Variants in MTUS1 observed in about 807,000 individuals in gnomAD.
MTUS1 encodes the protein microtubule associated scaffold protein 1, also known as microtubule-associated tumor suppressor 1.
In MTUS1, 109 loss-of-function variants were observed where a neutral mutation model predicts 120.8. The ratio of observed to expected loss-of-function variants is 0.90; its 90% CI spans 0.77 to 1.06. MTUS1 has a LOEUF of 1.06. Among genes scored for constraint, MTUS1 ranks in the 50% least tolerant of loss-of-function variants. The pLI is 0.00. For synonymous variants in MTUS1, 737 were observed against 550.5 expected, an observed-to-expected ratio of 1.34 and a Z score of -4.74; for missense variants, 2,210 against 1,486.3, an observed-to-expected ratio of 1.49 and a Z score of -8.01.
intron 8 of MTUS1, among the ~76,000 whole-genome samples, chr8:17,666,980 C>T (rs148541310): frequency 1.3e-3 from 205 of 152,212 alleles, no homozygotes; most frequent in African/African-American, 4.7e-3. Flanking sequence ...TATTTTCGTA[C>T]ACAATAAAGT....
chr8:17,722,517 G>C (rs1341287998), intron 4 of MTUS1: 5 of 985,030 alleles, frequency 5.1e-6, no homozygotes, highest in East Asian at 2.3e-4. Context: ...CTGTTTAATT[G>C]CAAGTCACAT....
At chr8:17,722,441 C>T (rs1042214997) in intron 4 of MTUS1, 2 of 985,372 alleles carry the variant, frequency 2.0e-6, no homozygotes, top group South Asian at 4.7e-5. Flanking sequence ...TCAGAGTTCC[C>T]TCTTACATGC....
chr8:17,788,811 T>C (rs1379724084), intron 1 of MTUS1, among the ~76,000 whole-genome samples: 1 of 152,180 alleles, frequency 6.6e-6, no homozygotes. Flanking sequence ...CATCAGAAAG[T>C]AACCTTTGTC....
At chr8:17,787,795 T>C (rs2051428389) in intron 1 of MTUS1, among the ~76,000 whole-genome samples, 1 of 152,246 alleles carries the variant, frequency 6.6e-6, no homozygotes, top group Non-Finnish European at 1.5e-5. Context: ...ACTTTTCTGA[T>C]GACCAAAGCT....
intron 14 of MTUS1, among the ~76,000 whole-genome samples, chr8:17,646,423 A>C (rs1002511274): frequency 1.3e-5 from 2 of 152,040 alleles, no homozygotes; most frequent in Admixed American, 6.6e-5. Context: ...CTCTGTCTCT[A>C]TTAAAAATAC....
chr8:17,647,527 C>T (rs968515744), intron 13 of MTUS1, among the ~76,000 whole-genome samples: 3 of 151,894 alleles, frequency 2.0e-5, no homozygotes, highest in African/African-American at 4.8e-5. Flanking sequence ...TCCCTGGCAA[C>T]GTTTACTATG....
At position 17,755,845 on chromosome 8, in the gene MTUS1, T is replaced by C; in HGVS notation, c.-38A>G. 3.2e-6 allele frequency: 5 copies of C among 1,566,974 alleles called. No homozygotes were observed. The highest frequency in any genetic ancestry group is 1.4e-5 in the African/African-American group (1 of 73,522). Reference sequence around the variant, plus strand: ...CCTTAAACCTCTGCCATTTTATTTCTTCTTCAATTCCTTTTAAATGAGAGG... The same window carrying C: ...CCTTAAACCTCTGCCATTTTATTTCCTCTTCAATTCCTTTTAAATGAGAGG... On this transcript the variant is annotated 5_prime_UTR_variant, in exon 2 of 15. Coordinates refer to ENST00000693296, the MANE Select transcript of MTUS1 (RefSeq NM_001363059.2).
chr8:17,673,848 T>C (rs1450074524), intron 8 of MTUS1, among the ~76,000 whole-genome samples: 1 of 152,198 alleles, frequency 6.6e-6, no homozygotes, highest in Non-Finnish European at 1.5e-5. Context: ...CAAATCAGGT[T>C]GGCAGTGTGG....
chr8:17,740,071 G>A (rs1051741545), intron 3 of MTUS1, among the ~76,000 whole-genome samples: 10 of 152,136 alleles, frequency 6.6e-5, no homozygotes, highest in African/African-American at 2.4e-4. Flanking sequence ...GTTGGGCGTG[G>A]TGGTGGGTGC....
At chr8:17,679,740 C>T (rs913449547) in intron 7 of MTUS1, among the ~76,000 whole-genome samples, 15 of 152,020 alleles carry the variant, frequency 9.9e-5, no homozygotes, top group South Asian at 2.1e-4. Flanking sequence ...GGACCTCAAG[C>T]GATCCACCCG....
Position 17,737,269 on chromosome 8 carries a change from G to T in MTUS1, c.2287+6335C>A, listed in dbSNP as rs144418726. Among the ~76,000 whole-genome samples the T allele has an allele frequency of 2.3e-3, 350 of 152,250 alleles. 1 individual carries two copies. The highest frequency in any genetic ancestry group is 8.1e-3 in the African/African-American group (338 of 41,550). On this transcript the variant is annotated intron_variant, in intron 3 of 14. Transcript: ENST00000693296. ...CAGACCCTCAAATTCCTCATCTGTAGAATGGCGATTATCACAGTATCCCTA... is the reference window on the plus strand; with the variant it reads ...CAGACCCTCAAATTCCTCATCTGTATAATGGCGATTATCACAGTATCCCTA...
intron 1 of MTUS1, among the ~76,000 whole-genome samples, chr8:17,756,658 A>G (rs1284978796): frequency 9.0e-6 from 1 of 110,676 alleles, no homozygotes; most frequent in Admixed American, 1.0e-4. Context: ...TCCAATTCAT[A>G]TGTCAAGCCC....
chr8:17,653,866 A>T (rs895526512), intron 10 of MTUS1: 1 of 175,322 alleles, frequency 5.7e-6, no homozygotes, highest in Non-Finnish European at 1.2e-5. Flanking sequence ...TAACCTAAAC[A>T]TAAGTCTAAA....
Position 17,671,274 on chromosome 8 carries a change from T to TA in MTUS1, c.2905+3911dup, listed in dbSNP as rs560135727. ...AAATCTTAATTTTCATACATTGTTC[T>TA]AAAAAAAAAAAAAACTTTAAAACTT... On this transcript the variant is annotated intron_variant, in intron 8 of 14. Transcript: ENST00000693296. 3.8e-3 allele frequency among the ~76,000 whole-genome samples: 532 copies of TA among 139,574 alleles called. 1 individual carries two copies. Among genetic ancestry groups the TA allele is most frequent in the South Asian group, 6.0e-3 (26 of 4,356 alleles). 91.6% of individuals were successfully genotyped at this position (139,574 alleles called of 152,430 possible). A position where few individuals can be genotyped will look rare whatever the true frequency, so the allele number is the denominator to read the frequency against.
intron 4 of MTUS1, chr8:17,721,991 G>C (rs1188811007): frequency 8.6e-6 from 12 of 1,392,286 alleles, no homozygotes; most frequent in Non-Finnish European, 1.1e-5. Context: ...AATTCGAATG[G>C]AGGGAAAAAA....
At chr8:17,769,440 C>T (rs1336763808) in intron 1 of MTUS1, among the ~76,000 whole-genome samples, 7 of 150,438 alleles carry the variant, frequency 4.7e-5, no homozygotes, top group African/African-American at 1.7e-4. Flanking sequence ...CTCCGCCTCC[C>T]GGGTTCACGC....
chr8:17,791,946 AC>A (rs1156937369), intron 1 of MTUS1, among the ~76,000 whole-genome samples: 2 of 152,110 alleles, frequency 1.3e-5, no homozygotes, highest in Admixed American at 6.6e-5. Flanking sequence ...ACAAGGTACT[AC>A]CCCCACCTTC....
chr8:17,790,901 C>T (rs1433533517), intron 1 of MTUS1, among the ~76,000 whole-genome samples: 1 of 151,986 alleles, frequency 6.6e-6, no homozygotes, highest in Non-Finnish European at 1.5e-5. Flanking sequence ...GCAGGAGAAT[C>T]GCTTGAATCC....
intron 8 of MTUS1, among the ~76,000 whole-genome samples, chr8:17,665,521 TTTG>T (rs3040016): frequency 1.3e-5 from 2 of 151,468 alleles, no homozygotes; most frequent in African/African-American, 4.9e-5. Context: ...CTCCAGCCTC[TTTG>T]TTGTTGTTGT....
Sources: gnomAD v4.1 joint callset for allele counts (sites outside exome capture counted in the v4.1 genomes callset) on GRCh38, gnomAD v4.1.1 for gene constraint, MANE v1.5 for transcripts, NCBI Gene and HGNC (gene_info 2026-07-23, HGNC 2026-07-21) for gene names.